The following CSMD1 variants were observed in gnomAD, a reference collection of about 807,000 sequenced individuals.
CSMD1 encodes the protein CUB and sushi domain-containing protein 1.
A neutral mutation model predicts 417.5 loss-of-function variants in CSMD1; 213 were observed. The ratio of observed to expected loss-of-function variants is 0.51; its 90% CI spans 0.46 to 0.57. CSMD1 has a LOEUF of 0.57. Ranked by LOEUF, CSMD1 falls within the 20% of genes least tolerant of loss-of-function variation. The pLI, the probability that CSMD1 is intolerant of heterozygous loss-of-function variation, is 0.00. For synonymous variants in CSMD1, 2,862 were observed against 1,736.8 expected (o/e 1.65, Z -16.11); for missense variants, 6,923 against 4,529.7 (o/e 1.53, Z -15.17).
chr8:4,227,829 T>C (rs1252572802), intron 3 of CSMD1, among the ~76,000 whole-genome samples: 1 of 146,668 alleles, frequency 6.8e-6, no homozygotes, highest in East Asian at 2.0e-4. Context: ...AGACATACTC[T>C]CCATCCTGCA....
chr8:3,604,808 T>A (rs1454825847), intron 8 of CSMD1, among the ~76,000 whole-genome samples: 1 of 152,096 alleles, frequency 6.6e-6, no homozygotes, highest in African/African-American at 2.4e-5. Context: ...GGCATCAACG[T>A]GATAGCATTT....
intron 39 of CSMD1, among the ~76,000 whole-genome samples, chr8:3,154,942 A>G (rs985621141): frequency 1.3e-5 from 2 of 152,190 alleles, no homozygotes; most frequent in African/African-American, 2.4e-5. Flanking sequence ...AAACCTTTTA[A>G]TCACTAGAAT....
chr8:4,636,518 G>C (rs756194625), intron 2 of CSMD1, among the ~76,000 whole-genome samples: 7 of 152,034 alleles, frequency 4.6e-5, no homozygotes, highest in Non-Finnish European at 1.0e-4. Context: ...GACAACATAA[G>C]GGTTCATTTT....
chr8:4,464,944 G>C (rs968121549), intron 2 of CSMD1, among the ~76,000 whole-genome samples: 1 of 152,090 alleles, frequency 6.6e-6, no homozygotes, highest in Non-Finnish European at 1.5e-5. Flanking sequence ...ATTCAAACCA[G>C]ATGTGCTTCC....
At chr8:4,359,319 AGGGG>A (rs1801617393) in intron 3 of CSMD1, among the ~76,000 whole-genome samples, 1 of 152,244 alleles carries the variant, frequency 6.6e-6, no homozygotes. Context: ...ATTATTGTGC[AGGGG>A]CCAAATAGGT....
At chr8:3,603,070 T>C (rs4875242) in intron 8 of CSMD1, among the ~76,000 whole-genome samples, 32,345 of 152,126 alleles carry the variant, frequency 0.21, 4,306 homozygotes, top group East Asian at 0.53. Flanking sequence ...GCCACACAAA[T>C]ATGATCTGAA....
chr8:4,882,025 A>G (rs1336983658), intron 1 of CSMD1, among the ~76,000 whole-genome samples: 1 of 152,050 alleles, frequency 6.6e-6, no homozygotes, highest in African/African-American at 2.4e-5. Context: ...CTTATTTGCA[A>G]TCCTGGGCAA....
chr8:4,371,004 T>A (rs1394510438), intron 3 of CSMD1, among the ~76,000 whole-genome samples: 1 of 152,200 alleles, frequency 6.6e-6, no homozygotes, highest in East Asian at 1.9e-4. Flanking sequence ...ACACTGACCT[T>A]TAGTGTTACT....
chr8:4,875,693 T>C (rs1432405537), intron 1 of CSMD1, among the ~76,000 whole-genome samples: 2 of 152,204 alleles, frequency 1.3e-5, no homozygotes, highest in East Asian at 3.9e-4. Flanking sequence ...TAAACCTAAG[T>C]AGAGCTGAGA....
intron 10 of CSMD1, among the ~76,000 whole-genome samples, chr8:3,514,318 T>A (rs1312249399): frequency 6.6e-6 from 1 of 152,166 alleles, no homozygotes; most frequent in East Asian, 1.9e-4. Context: ...TAGTAGATAT[T>A]TTTGGCTAGG....
chr8:4,757,804 G>C (rs1358045379), intron 1 of CSMD1, among the ~76,000 whole-genome samples: 1 of 151,586 alleles, frequency 6.6e-6, no homozygotes, highest in African/African-American at 2.4e-5. Context: ...ACTAAAAATA[G>C]GAAAATTAGC....
intron 39 of CSMD1, among the ~76,000 whole-genome samples, chr8:3,152,643 G>C (rs1411116290): frequency 6.6e-6 from 1 of 152,198 alleles, no homozygotes; most frequent in East Asian, 1.9e-4. Context: ...CATTGTATAA[G>C]TTGAAAAATG....
chr8:4,210,677 C>T (rs368371058), intron 3 of CSMD1, among the ~76,000 whole-genome samples: 2 of 152,024 alleles, frequency 1.3e-5, no homozygotes, highest in Non-Finnish European at 1.5e-5. Context: ...TGAAGAAAGC[C>T]AATTTTCCAC....
chr8:4,331,955 T>C (rs989371660), intron 3 of CSMD1, among the ~76,000 whole-genome samples: 1 of 152,326 alleles, frequency 6.6e-6, no homozygotes, highest in African/African-American at 2.4e-5. Context: ...GCATTGGAAT[T>C]CATTTTCATT....
At position 3,905,134 on chromosome 8, in the gene CSMD1, G is replaced by A. The variant is rs115366956; in HGVS notation, c.818+92769C>T. ...TTTAATATTTTCCAAGAAATTCAGA[G>A]AGAATCCTTCCATTTAAAGAATGAT... On this transcript the variant is annotated intron_variant, in intron 5 of 69. Transcript: ENST00000635120. Among the ~76,000 whole-genome samples, 62 of 152,154 alleles carry A rather than the reference G, an allele frequency of 4.1e-4. 1 individual carries two copies. Among genetic ancestry groups the A allele is most frequent in the African/African-American group, 1.4e-3 (60 of 41,520 alleles).
At chr8:4,336,161 C>T (rs1018632114) in intron 3 of CSMD1, among the ~76,000 whole-genome samples, 3 of 152,120 alleles carry the variant, frequency 2.0e-5, no homozygotes, top group African/African-American at 7.2e-5. Flanking sequence ...CCTGAATAAT[C>T]ATACTCCTGG....
At chr8:3,314,479 G>A (rs373210795) in intron 23 of CSMD1, among the ~76,000 whole-genome samples, 6 of 152,038 alleles carry the variant, frequency 3.9e-5, no homozygotes, top group African/African-American at 1.2e-4. Flanking sequence ...TTCTGTATTT[G>A]CTTTATGCTC....
intron 49 of CSMD1, among the ~76,000 whole-genome samples, chr8:3,082,509 T>A (rs116687659): frequency 1.3e-5 from 2 of 152,160 alleles, no homozygotes; most frequent in Non-Finnish European, 2.9e-5. Flanking sequence ...CTTGTACTTA[T>A]CAGTTTTTAA....
chr8:3,916,519 G>C (rs1808841899), intron 5 of CSMD1, among the ~76,000 whole-genome samples: 1 of 152,072 alleles, frequency 6.6e-6, no homozygotes, highest in Non-Finnish European at 1.5e-5. Context: ...TCCTACTTAG[G>C]GATACGCCTA....
Sources: gnomAD v4.1 joint callset for allele counts (sites outside exome capture counted in the v4.1 genomes callset) on GRCh38, gnomAD v4.1.1 for gene constraint, MANE v1.5 for transcripts, NCBI Gene and HGNC (gene_info 2026-07-23, HGNC 2026-07-21) for gene names.